Variants in ITPR1 observed in about 807,000 individuals in gnomAD.
ITPR1 encodes inositol 1,4,5-trisphosphate-gated calcium channel ITPR1.
ITPR1 carries 96 observed loss-of-function variants against 318.4 expected under a neutral mutation model. The observed-to-expected ratio is 0.30, with a 90% CI of 0.26 to 0.36. The LOEUF (loss-of-function observed/expected upper bound fraction) is 0.36, where lower values mean the gene tolerates loss of function less well. ITPR1 is among the 10% of genes least tolerant of loss of function. The probability of loss-of-function intolerance (pLI) is 1.00; values close to 1 mark genes in which losing one functional copy is unlikely to be tolerated. For synonymous variants in ITPR1, 1,312 were observed against 1,289.9 expected, an observed-to-expected ratio of 1.02 and a Z score of -0.37; for missense variants, 2,440 against 3,460.2, an observed-to-expected ratio of 0.71 and a Z score of 7.40.
intron 51 of ITPR1, among the ~76,000 whole-genome samples, chr3:4,784,649 G>C (rs1009716984): frequency 7.3e-5 from 11 of 149,756 alleles, no homozygotes; most frequent in Non-Finnish European, 1.6e-4. Flanking sequence ...GGGAGGCCGA[G>C]GCAGGTAGAT....
intron 41 of ITPR1, among the ~76,000 whole-genome samples, chr3:4,726,236 G>A (rs544983562): frequency 4.0e-5 from 6 of 151,876 alleles, no homozygotes; most frequent in African/African-American, 1.4e-4. Context: ...TGCCGTGTTG[G>A]CCAGCCTGGT....
At chr3:4,627,457 C>G (rs774810264) in intron 4 of ITPR1, among the ~76,000 whole-genome samples, 2 of 152,020 alleles carry the variant, frequency 1.3e-5, no homozygotes, top group Middle Eastern at 3.4e-3. Context: ...GAGGGAGACT[C>G]AGTCTTAAAA....
At chr3:4,709,576 C>T (rs1161075529) in intron 37 of ITPR1, among the ~76,000 whole-genome samples, 1 of 152,208 alleles carries the variant, frequency 6.6e-6, no homozygotes, top group Admixed American at 6.5e-5. Context: ...ATGGAGCAGG[C>T]TTTAGCATCT....
intron 44 of ITPR1, among the ~76,000 whole-genome samples, chr3:4,736,615 C>A (rs901843648): frequency 6.6e-6 from 1 of 152,226 alleles, no homozygotes; most frequent in African/African-American, 2.4e-5. Context: ...GTGGCAAGGC[C>A]CACTGCTTGT....
In ITPR1 at chr3:4,826,501, G is replaced by A. The variant is rs986609792; in HGVS notation, c.8028+8259G>A. 5.9e-5 allele frequency among the ~76,000 whole-genome samples: 9 copies of A among 152,156 alleles called. No homozygotes were observed. The highest frequency in any genetic ancestry group is 1.0e-4 in the Non-Finnish European group (7 of 68,030). On this transcript the variant is annotated intron_variant, in intron 60 of 61. Transcript: ENST00000649015. This position sits in a 1 kb window ranked among gnomAD's most constrained non-coding sequence, Gnocchi z 4.2. ...AAGAGGGATTTGGCACTGGCTTCCC[G>A]GTGGCTGGAAACAGTGTGTCAGCGT...
chr3:4,562,528 T>C (rs2086786559), intron 4 of ITPR1, among the ~76,000 whole-genome samples: 1 of 152,206 alleles, frequency 6.6e-6, no homozygotes. Flanking sequence ...GGCATGTTTA[T>C]ATTACATTCA....
rs1419367072 is a variant in ITPR1, at chr3:4,744,934, TTCCTTCCTTCCTTCCC to T, written c.5544+9584_5544+9599del. Among the ~76,000 whole-genome samples, 451 of 52,852 alleles carry T rather than the reference TTCCTTCCTTCCTTCCC, an allele frequency of 8.5e-3. 3 individuals carry two copies. Among genetic ancestry groups the T allele is most frequent in the African/African-American group, 0.026 (374 of 14,508 alleles). The allele number at this position is 52,852 out of a possible 152,430, so 34.7% of individuals were successfully genotyped here. On this transcript the variant is annotated intron_variant, in intron 44 of 61. Coordinates refer to ENST00000649015, the MANE Select transcript of ITPR1 (RefSeq NM_001378452.1). ...CTTCCTTCCTTCCTTCCTTCCTTCC[TTCCTTCCTTCCTTCCC>T]TCCCTCCCTCCTTCCTTCCTTCGTT...
chr3:4,626,722 C>A (rs2092838680), intron 4 of ITPR1, among the ~76,000 whole-genome samples: 1 of 152,154 alleles, frequency 6.6e-6, no homozygotes, highest in Admixed American at 6.5e-5. Flanking sequence ...TATCTAAATG[C>A]CAGTTTATAT....
chr3:4,619,617 CCTGCT>C (rs1353594783), intron 4 of ITPR1, among the ~76,000 whole-genome samples: 1 of 43,166 alleles, frequency 2.3e-5, no homozygotes, highest in African/African-American at 1.3e-4. Flanking sequence ...TCTGCCCTCC[CCTGCT>C]CTCCTCTGCT....
rs529371071 is a variant in ITPR1 at position 4,554,117 on chromosome 3, C to A, written c.163+33023C>A. Reference sequence around the variant, plus strand: ...ACTAAATGTATTATGTTCATTACTTCATTTAGCAGTGAGGGCAATCCCATC... The same window carrying A: ...ACTAAATGTATTATGTTCATTACTTAATTTAGCAGTGAGGGCAATCCCATC... On this transcript the variant is annotated intron_variant, in intron 4 of 61. Transcript: ENST00000649015. 2.6e-5 allele frequency among the ~76,000 whole-genome samples: 4 copies of A among 152,340 alleles called. No individual in the cohort carries two copies. The South Asian group carries it at 8.3e-4, about 32-fold the overall frequency.
intron 5 of ITPR1, among the ~76,000 whole-genome samples, chr3:4,633,445 C>T (rs2093079052): frequency 6.6e-6 from 1 of 152,162 alleles, no homozygotes; most frequent in Non-Finnish European, 1.5e-5. Flanking sequence ...TTATTTTTCT[C>T]AACTACTATG....
At chr3:4,799,101 T>C (rs914668676) in intron 53 of ITPR1, among the ~76,000 whole-genome samples, 1 of 152,242 alleles carries the variant, frequency 6.6e-6, no homozygotes. Flanking sequence ...AAAATATTGA[T>C]TAAGGACCAT....
At chr3:4,515,465 G>C (rs1194011699) in intron 2 of ITPR1, among the ~76,000 whole-genome samples, 1 of 152,150 alleles carries the variant, frequency 6.6e-6, no homozygotes, top group Non-Finnish European at 1.5e-5. Flanking sequence ...GGGTTGCCCT[G>C]GGCATCTCCA....
In ITPR1 at chr3:4,657,397, G is replaced by GT. The variant is rs1260470287; in HGVS notation, c.997-715dup. Among the ~76,000 whole-genome samples the GT allele has an allele frequency of 4.1e-3, 519 of 125,562 alleles. 3 individuals carry two copies. Among genetic ancestry groups the GT allele is most frequent in the East Asian group, 6.1e-3 (26 of 4,270 alleles). 82.4% of individuals were successfully genotyped at this position (125,562 alleles called of 152,430 possible). A position where few individuals can be genotyped will look rare whatever the true frequency, so the allele number is the denominator to read the frequency against. On this transcript the variant is annotated intron_variant, in intron 12 of 61. Transcript: ENST00000649015. ...TGGATGTACCTAGAGTTTTTTTTTT[G>GT]TTTTTTTTTTTTAATCATCTGGAGC...
chr3:4,520,736 G>A (rs2082499943), intron 3 of ITPR1, among the ~76,000 whole-genome samples: 2 of 152,126 alleles, frequency 1.3e-5, no homozygotes, highest in South Asian at 2.1e-4. Flanking sequence ...TGTGTCTCGC[G>A]ACTTCAGCCA....
chr3:4,806,168 C>T lies in ITPR1; in HGVS notation c.7173C>T (p.Tyr2391=). 1.9e-6 allele frequency: 3 copies of T among 1,613,790 alleles called. No individual in the cohort carries two copies. Among genetic ancestry groups the T allele is most frequent in the Non-Finnish European group, 2.5e-6 (3 of 1,179,696 alleles). ...ACTGTGGGACATTCACAAGAGGCTACCGAGCCATGGTTCTGGATGTTGAGT... is the reference window on the plus strand; with the variant it reads ...ACTGTGGGACATTCACAAGAGGCTATCGAGCCATGGTTCTGGATGTTGAGT... The part of the protein sequence containing the change: ...VGNCGTFTRG[Y]RAMVLDVEFL... The change falls in exon 55 of 62, where the codon TAC becomes TAT. Residue 2391 remains tyrosine (Y), a synonymous_variant. Transcript: ENST00000649015.
At chr3:4,744,269 T>C (rs1396189919) in intron 44 of ITPR1, among the ~76,000 whole-genome samples, 1 of 152,258 alleles carries the variant, frequency 6.6e-6, no homozygotes. Flanking sequence ...CATCAATTCA[T>C]TTTATCCCAC....
chr3:4,586,227 T>C (rs2089886163), intron 4 of ITPR1, among the ~76,000 whole-genome samples: 1 of 152,204 alleles, frequency 6.6e-6, no homozygotes, highest in African/African-American at 2.4e-5. Flanking sequence ...GCAATAAACA[T>C]ACATGGTAAC....
chr3:4,759,949 C>A (rs544698167), intron 44 of ITPR1, among the ~76,000 whole-genome samples: 2 of 152,220 alleles, frequency 1.3e-5, no homozygotes, highest in Non-Finnish European at 2.9e-5. Context: ...CCTGCCCTGG[C>A]CTTTTCCTTA....
Sources: allele counts gnomAD v4.1 joint callset (sites outside exome capture counted in the v4.1 genomes callset), GRCh38; gene constraint gnomAD v4.1.1; non-coding constraint Gnocchi (gnomAD v3.1); transcripts MANE v1.5; gene names NCBI Gene and HGNC (gene_info 2026-07-23, HGNC 2026-07-21).